Variants in FGF12 observed in about 807,000 individuals in gnomAD.
The protein encoded by FGF12 is fibroblast growth factor 12, also known as fibroblast growth factor 12B.
A neutral mutation model predicts 23.6 loss-of-function variants in FGF12; 14 were observed. The observed-to-expected ratio is 0.59, with a 90% CI of 0.39 to 0.93. The LOEUF is 0.93. Ranked by LOEUF, FGF12 falls within the 40% of genes least tolerant of loss-of-function variation. FGF12 has a pLI of 0.00. For missense variants in FGF12, 175 were observed against 217.8 expected, an observed-to-expected ratio of 0.80 and a Z score of 1.24; for synonymous variants, 62 against 77.3, an observed-to-expected ratio of 0.80 and a Z score of 1.04.
At chr3:192,278,964 C>A (rs2108637063) in intron 4 of FGF12, among the ~76,000 whole-genome samples, 1 of 152,096 alleles carries the variant, frequency 6.6e-6, no homozygotes, top group East Asian at 1.9e-4. Flanking sequence ...GGCCTTCCTG[C>A]AAGAATGTCA....
intron 2 of FGF12, among the ~76,000 whole-genome samples, chr3:192,544,505 C>T (rs191340020): frequency 1.6e-4 from 24 of 152,176 alleles, no homozygotes; most frequent in East Asian, 5.8e-4. Context: ...GAGTAAGTTT[C>T]GATATCTGGA....
intron 2 of FGF12, among the ~76,000 whole-genome samples, chr3:192,625,414 T>G (rs1057421053): frequency 1.3e-5 from 2 of 152,120 alleles, no homozygotes; most frequent in Non-Finnish European, 2.9e-5. Context: ...TTTTTCTTAT[T>G]AAGACTGAGA....
chr3:192,530,607 GA>G (rs1725062583), intron 2 of FGF12, among the ~76,000 whole-genome samples: 1 of 152,118 alleles, frequency 6.6e-6, no homozygotes, highest in African/African-American at 2.4e-5. Context: ...AGAAATCTAA[GA>G]AAATTGGACT....
At chr3:192,427,116 C>T (rs2108787698) in intron 2 of FGF12, among the ~76,000 whole-genome samples, 1 of 152,212 alleles carries the variant, frequency 6.6e-6, no homozygotes, top group African/African-American at 2.4e-5. Flanking sequence ...GGCATGGTGG[C>T]TCACACCTGT....
intron 2 of FGF12, among the ~76,000 whole-genome samples, chr3:192,640,113 G>A (rs560670482): frequency 1.3e-5 from 2 of 152,258 alleles, no homozygotes; most frequent in African/African-American, 4.8e-5. Flanking sequence ...CATAGGTTGT[G>A]AGGTAGCAGA....
chr3:192,305,679 A>AATATATATATATAT (rs1241285508), intron 4 of FGF12, among the ~76,000 whole-genome samples: 8 of 131,926 alleles, frequency 6.1e-5, no homozygotes, highest in Non-Finnish European at 1.2e-4. Context: ...AAAAAAAAAA[A>AATATATATATATAT]ATATATATAT....
intron 2 of FGF12, among the ~76,000 whole-genome samples, chr3:192,634,257 G>A (rs1309277961): frequency 6.6e-6 from 1 of 151,388 alleles, no homozygotes; most frequent in Non-Finnish European, 1.5e-5. Context: ...CATATTCATG[G>A]GTTCTACATC....
At chr3:192,538,983 T>C (rs924747591) in intron 2 of FGF12, among the ~76,000 whole-genome samples, 4 of 152,226 alleles carry the variant, frequency 2.6e-5, no homozygotes, top group Non-Finnish European at 5.9e-5. Context: ...TTTATGTATG[T>C]TAATTTTGTA....
chr3:192,293,844 A>G (rs1265608249), intron 4 of FGF12, among the ~76,000 whole-genome samples: 1 of 152,110 alleles, frequency 6.6e-6, no homozygotes, highest in Non-Finnish European at 1.5e-5. Flanking sequence ...GTTCCAGAGG[A>G]TGGGAAGTCC....
At chr3:192,199,670 T>G (rs1717259385) in intron 4 of FGF12, among the ~76,000 whole-genome samples, 1 of 152,128 alleles carries the variant, frequency 6.6e-6, no homozygotes, top group South Asian at 2.1e-4. Context: ...AAGTGGGTAT[T>G]AAAAGATGCA....
At chr3:192,698,744 G>T (rs986175807) in intron 2 of FGF12, among the ~76,000 whole-genome samples, 2 of 152,054 alleles carry the variant, frequency 1.3e-5, no homozygotes, top group African/African-American at 4.8e-5. Flanking sequence ...ATTTACCTTT[G>T]GTTCTCTGGA....
intron 2 of FGF12, among the ~76,000 whole-genome samples, chr3:192,379,090 AT>A (rs541111111): frequency 1.3e-5 from 2 of 151,972 alleles, no homozygotes; most frequent in Non-Finnish European, 2.9e-5. Flanking sequence ...CACGATTTAA[AT>A]TTTTTCTGGC....
chr3:192,259,510 T>G (rs943973998), intron 4 of FGF12, among the ~76,000 whole-genome samples: 1 of 152,136 alleles, frequency 6.6e-6, no homozygotes, highest in Non-Finnish European at 1.5e-5. Flanking sequence ...AAAGTCTAAG[T>G]GTATGGGCAA....
At chr3:192,430,975 CAA>C (rs1459237080) in intron 2 of FGF12, among the ~76,000 whole-genome samples, 2 of 152,292 alleles carry the variant, frequency 1.3e-5, no homozygotes, top group East Asian at 3.9e-4. Flanking sequence ...TTCTCTATTT[CAA>C]GAGATACCTG....
At chr3:192,244,375 C>T (rs1191806235) in intron 4 of FGF12, among the ~76,000 whole-genome samples, 1 of 151,964 alleles carries the variant, frequency 6.6e-6, no homozygotes, top group Admixed American at 6.6e-5. Flanking sequence ...ACAGAAACTC[C>T]CTGTGTACTG....
chr3:192,182,506 A>G (rs1716235731), intron 4 of FGF12, among the ~76,000 whole-genome samples: 1 of 152,154 alleles, frequency 6.6e-6, no homozygotes, highest in Admixed American at 6.6e-5. Flanking sequence ...CCTCTGAAAA[A>G]TTACTGAAGG....
intron 2 of FGF12, among the ~76,000 whole-genome samples, chr3:192,684,755 G>C (rs1325612933): frequency 2.0e-5 from 3 of 152,042 alleles, no homozygotes; most frequent in Non-Finnish European, 2.9e-5. Context: ...CTTATATTTA[G>C]ATAACACTTT....
At chr3:192,442,894 G>A (rs543883583) in intron 2 of FGF12, among the ~76,000 whole-genome samples, 10 of 149,308 alleles carry the variant, frequency 6.7e-5, no homozygotes, top group Non-Finnish European at 1.0e-4. Flanking sequence ...TGCAACCTCC[G>A]CCCTCCGAGT....
chr3:192,209,200 C>T (rs1021448428), intron 4 of FGF12, among the ~76,000 whole-genome samples: 2 of 152,092 alleles, frequency 1.3e-5, no homozygotes, highest in African/African-American at 4.8e-5. Flanking sequence ...CATTTTCTCC[C>T]CTACTTCTTC....
Sources: gnomAD v4.1 joint callset for allele counts (sites outside exome capture counted in the v4.1 genomes callset) on GRCh38, gnomAD v4.1.1 for gene constraint, MANE v1.5 for transcripts, NCBI Gene and HGNC (gene_info 2026-07-23, HGNC 2026-07-21) for gene names.